TMC1: variants seen among roughly 807,000 people sequenced by gnomAD.
TMC1 encodes transmembrane channel like 1, also known as transmembrane channel-like protein 1.
In TMC1, 84 loss-of-function variants were observed where a neutral mutation model predicts 105.8. The ratio of observed to expected loss-of-function variants is 0.79; its 90% CI spans 0.67 to 0.95. The LOEUF (loss-of-function observed/expected upper bound fraction) is 0.95. Among genes scored for constraint, TMC1 ranks in the 40% least tolerant of loss-of-function variants. TMC1 has a pLI of 0.00. For synonymous variants in TMC1, 315 were observed against 311.5 expected (o/e 1.01, Z -0.12); for missense variants, 817 against 914.1 (o/e 0.89, Z 1.37).
intron 4 of TMC1, among the ~76,000 whole-genome samples, chr9:72,645,206 C>T (rs969930571): frequency 6.6e-6 from 1 of 152,108 alleles, no homozygotes; most frequent in Non-Finnish European, 1.5e-5. Context: ...CCATATACAC[C>T]TCAACTGGCT....
At chr9:72,624,625 G>A (rs1825314421) in intron 3 of TMC1, among the ~76,000 whole-genome samples, 1 of 152,190 alleles carries the variant, frequency 6.6e-6, no homozygotes, top group Non-Finnish European at 1.5e-5. Context: ...AAATGCAACA[G>A]CAGACTATCT....
At chr9:72,608,373 A>G (rs1438958892) in intron 2 of TMC1, among the ~76,000 whole-genome samples, 2 of 152,242 alleles carry the variant, frequency 1.3e-5, no homozygotes, top group Middle Eastern at 3.2e-3. Flanking sequence ...TTCAAATTCC[A>G]TTCTACTATT....
intron 2 of TMC1, among the ~76,000 whole-genome samples, chr9:72,584,784 C>CTTTTTTTT (rs71357591): frequency 0.016 from 1,777 of 112,816 alleles, 85 homozygotes; most frequent in East Asian, 0.027. Context: ...CTTTTCTTTT[C>CTTTTTTTT]TTTTTTTTTT....
In TMC1 at chr9:72,657,068, G is replaced by A. The variant is rs552488444; in HGVS notation, c.16+8404G>A. On this transcript the variant is annotated intron_variant, in intron 5 of 23. Coordinates refer to ENST00000297784, the MANE Select transcript of TMC1 (RefSeq NM_138691.3). Reference sequence around the variant, plus strand: ...GTTACCACACATCTATGCACATAGCGGTATTCAGCCAAAGTTTGAAAGGAT... The same window carrying A: ...GTTACCACACATCTATGCACATAGCAGTATTCAGCCAAAGTTTGAAAGGAT... Among the ~76,000 whole-genome samples the A allele has an allele frequency of 1.1e-3, 161 of 152,254 alleles. 2 individuals are homozygous for A. The highest frequency in any genetic ancestry group is 0.01 in the South Asian group (50 of 4,822).
At chr9:72,546,793 C>T (rs1432929429) in intron 1 of TMC1, among the ~76,000 whole-genome samples, 1 of 152,138 alleles carries the variant, frequency 6.6e-6, no homozygotes, top group Non-Finnish European at 1.5e-5. Flanking sequence ...AGATAAATAG[C>T]CTCAGCAGAG....
chr9:72,794,591 C>T (rs1374390792), intron 17 of TMC1, among the ~76,000 whole-genome samples: 6 of 152,158 alleles, frequency 3.9e-5, no homozygotes, highest in Non-Finnish European at 8.8e-5. Context: ...AAAGCCTTGG[C>T]CCAATGAAAA....
chr9:72,780,950 A>G (rs940889916), intron 13 of TMC1, among the ~76,000 whole-genome samples: 3 of 152,168 alleles, frequency 2.0e-5, no homozygotes, highest in Non-Finnish European at 4.4e-5. Context: ...CCTGAACTCA[A>G]CACATGACCA....
intron 8 of TMC1, among the ~76,000 whole-genome samples, chr9:72,708,322 G>A (rs938902415): frequency 6.6e-6 from 1 of 152,096 alleles, no homozygotes; most frequent in African/African-American, 2.4e-5. Flanking sequence ...ATTTTGATGA[G>A]AATTGCATTG....
intron 4 of TMC1, among the ~76,000 whole-genome samples, chr9:72,632,841 T>C (rs1825473377): frequency 6.6e-6 from 1 of 152,184 alleles, no homozygotes; most frequent in African/African-American, 2.4e-5. Flanking sequence ...CTCTAACTTT[T>C]CTTATGTAAT....
At chr9:72,777,582 G>T (rs1264585242) in intron 13 of TMC1, among the ~76,000 whole-genome samples, 1 of 152,148 alleles carries the variant, frequency 6.6e-6, no homozygotes, top group Non-Finnish European at 1.5e-5. Flanking sequence ...TTTCAAAAAT[G>T]CTTGGAGCAG....
intron 12 of TMC1, among the ~76,000 whole-genome samples, chr9:72,758,841 T>A (rs1564535667): frequency 6.6e-6 from 1 of 152,202 alleles, no homozygotes; most frequent in Non-Finnish European, 1.5e-5. Context: ...TAATGTAGAC[T>A]AAGTACTTAT....
intron 4 of TMC1, among the ~76,000 whole-genome samples, chr9:72,630,279 T>A (rs1825426677): frequency 6.6e-6 from 1 of 152,190 alleles, no homozygotes; most frequent in South Asian, 2.1e-4. Context: ...TAATTAAAAT[T>A]TAAAAAAATT....
chr9:72,815,983 T>G (rs1828781468), intron 18 of TMC1, among the ~76,000 whole-genome samples, 160 bp from the exon 19 acceptor site: 1 of 152,204 alleles, frequency 6.6e-6, no homozygotes, highest in Admixed American at 6.5e-5. Flanking sequence ...AAAGGTGCTT[T>G]CTTTGTTTTA....
intron 2 of TMC1, among the ~76,000 whole-genome samples, chr9:72,595,823 T>C (rs1824708587): frequency 6.6e-6 from 1 of 150,928 alleles, no homozygotes; most frequent in African/African-American, 2.4e-5. Flanking sequence ...ATTACAGGCA[T>C]GCACCACCAC....
chr9:72,554,762 T>G (rs1374363537), intron 1 of TMC1, among the ~76,000 whole-genome samples: 6 of 152,214 alleles, frequency 3.9e-5, no homozygotes, highest in East Asian at 1.9e-4. Context: ...CTTTCTTACT[T>G]TCTAACATTC....
chr9:72,803,512 C>T (rs1828514988), intron 17 of TMC1, among the ~76,000 whole-genome samples: 2 of 152,058 alleles, frequency 1.3e-5, no homozygotes, highest in African/African-American at 4.8e-5. Context: ...CCAGAATCTA[C>T]AAAGAACTTA....
At position 72,751,974 on chromosome 9, in the gene TMC1, G is replaced by A. The variant is rs761790416; in HGVS notation, c.642+18G>A. 2 of 1,484,432 alleles carry A rather than the reference G, an allele frequency of 1.3e-6. No individual in the cohort carries two copies. Among genetic ancestry groups the A allele is most frequent in the African/African-American group, 2.8e-5 (2 of 72,304 alleles). 92.0% of individuals were successfully genotyped at this position (1,484,432 alleles called of 1,614,324 possible). A position where few individuals can be genotyped will look rare whatever the true frequency, so the allele number is the denominator to read the frequency against. Reference sequence around the variant, plus strand: ...TGCCAGAGGTGAGATCTGACTTCCAGTTTACAAAACATGCTGAAAAATGTT... The same window carrying A: ...TGCCAGAGGTGAGATCTGACTTCCAATTTACAAAACATGCTGAAAAATGTT... On this transcript the variant is annotated intron_variant, in intron 11 of 23. Coordinates refer to ENST00000297784, the MANE Select transcript of TMC1 (RefSeq NM_138691.3).
At chr9:72,831,751 T>TA (rs1274264655) in intron 23 of TMC1, among the ~76,000 whole-genome samples, 1 of 152,112 alleles carries the variant, frequency 6.6e-6, no homozygotes, top group African/African-American at 2.4e-5. Context: ...TCTATGTCCC[T>TA]ACAAAGGACA....
intron 4 of TMC1, among the ~76,000 whole-genome samples, chr9:72,645,832 A>G (rs1460285468): frequency 6.6e-6 from 1 of 152,136 alleles, no homozygotes. Context: ...ATTTTTCCTT[A>G]GTTAATAATG....
Sources: gnomAD v4.1 joint callset for allele counts (sites outside exome capture counted in the v4.1 genomes callset) on GRCh38, gnomAD v4.1.1 for gene constraint, MANE v1.5 for transcripts, NCBI Gene and HGNC (gene_info 2026-07-23, HGNC 2026-07-21) for gene names.